SP140: variants seen among roughly 807,000 people sequenced by gnomAD.
SP140 encodes nuclear body protein SP140.
SP140 carries 81 observed loss-of-function variants against 125.0 expected under a neutral mutation model. That is an observed-to-expected ratio of 0.65 (90% CI 0.54 to 0.78). SP140 has a LOEUF of 0.78. Among genes scored for constraint, SP140 ranks in the 30% least tolerant of loss-of-function variants. The pLI, the probability that SP140 is intolerant of heterozygous loss-of-function variation, is 0.00. For synonymous variants in SP140, 312 were observed against 354.0 expected, an observed-to-expected ratio of 0.88 and a Z score of 1.33; for missense variants, 858 against 1,037.0, an observed-to-expected ratio of 0.83 and a Z score of 2.37.
At chr2:230,265,630 CT>C (rs1335594068) in intron 12 of SP140, among the ~76,000 whole-genome samples, 1 of 152,194 alleles carries the variant, frequency 6.6e-6, no homozygotes, top group African/African-American at 2.4e-5. Flanking sequence ...CTGCTTCCCC[CT>C]ACACCTGTAT....
At position 230,255,498 on chromosome 2, in the gene SP140, G is replaced by A. The variant is rs1295205058; in HGVS notation, c.1206G>A (p.Gln402=). Residue 402 remains glutamine, a synonymous_variant, in exon 12 of 27, where the codon CAG becomes CAA. Coordinates refer to ENST00000392045, the MANE Select transcript of SP140 (RefSeq NM_007237.5). ...AAATGTGTGATGGAGAAGAGCGCCAGGAAGCCTCTAGCTCCCTAGCAAGAC... is the reference window on the plus strand; with the variant it reads ...AAATGTGTGATGGAGAAGAGCGCCAAGAAGCCTCTAGCTCCCTAGCAAGAC... ...CSEMCDGEER[Q]EASSSLARRG... 2.5e-6 allele frequency: 4 copies of A among 1,613,324 alleles called. No individual in the cohort carries two copies. Among genetic ancestry groups the A allele is most frequent in the Non-Finnish European group, 3.4e-6 (4 of 1,179,884 alleles).
chr2:230,290,156 C>G (rs903656012), intron 18 of SP140, among the ~76,000 whole-genome samples: 1 of 152,158 alleles, frequency 6.6e-6, no homozygotes, highest in Non-Finnish European at 1.5e-5. Flanking sequence ...GTGACAGCAA[C>G]TGTGTTTCAT....
chr2:230,232,623 G>A (rs1198082945), intron 1 of SP140, among the ~76,000 whole-genome samples: 1 of 152,058 alleles, frequency 6.6e-6, no homozygotes, highest in Non-Finnish European at 1.5e-5. Context: ...TTTTATTATA[G>A]TATTATCTTA....
chr2:230,225,487 G>C (rs1447887116), upstream of SP140: 1 of 356,682 alleles, frequency 2.8e-6, no homozygotes, highest in Non-Finnish European at 5.4e-6. Flanking sequence ...CTCAGCAAGG[G>C]GTGGGGACAA....
At chr2:230,305,180 A>T (rs2058639583) in intron 22 of SP140, among the ~76,000 whole-genome samples, 1 of 152,352 alleles carries the variant, frequency 6.6e-6, no homozygotes, top group Non-Finnish European at 1.5e-5. Flanking sequence ...TTATCAGGGA[A>T]ATGCAAATCA....
At chr2:230,261,490 T>C (rs1036303631) in intron 12 of SP140, among the ~76,000 whole-genome samples, 2 of 152,180 alleles carry the variant, frequency 1.3e-5, no homozygotes, top group African/African-American at 4.8e-5. Flanking sequence ...CAGTACTATG[T>C]TGAAGAGGAG....
At chr2:230,201,684 A>G (rs377214382), upstream of SP140, among the ~76,000 whole-genome samples, 501 of 152,372 alleles carry the variant, frequency 3.3e-3, 3 homozygotes, top group African/African-American at 0.011. Context: ...TGTGTGATTG[A>G]GATACAAGCT....
chr2:230,275,669 A>G (rs2054612598), intron 15 of SP140, among the ~76,000 whole-genome samples: 1 of 152,218 alleles, frequency 6.6e-6, no homozygotes, highest in Admixed American at 6.5e-5. Context: ...AGTTAAAGGA[A>G]GCGTCACATG....
At chr2:230,244,747 G>C (rs191444509) in intron 5 of SP140, among the ~76,000 whole-genome samples, 5 of 152,084 alleles carry the variant, frequency 3.3e-5, no homozygotes, top group Non-Finnish European at 7.4e-5. Flanking sequence ...GGAGATGGAC[G>C]GTGCTTCATG....
At chr2:230,236,175 T>A (rs1465142653) in intron 1 of SP140, among the ~76,000 whole-genome samples, 2 of 152,142 alleles carry the variant, frequency 1.3e-5, no homozygotes, top group African/African-American at 4.8e-5. Flanking sequence ...GCGCCCGGCC[T>A]TCTTGTGTAT....
chr2:230,225,928 C>T (rs1296088392), intron 1 of SP140, 25 bp downstream of exon 1: 3 of 1,601,908 alleles, frequency 1.9e-6, no homozygotes, highest in Non-Finnish European at 2.6e-6. Flanking sequence ...CCTTTCCCGT[C>T]TGTCCTTCAT....
At chr2:230,207,592 A>G (rs2044010358) in intron 1 of SP140, among the ~76,000 whole-genome samples, 1 of 152,184 alleles carries the variant, frequency 6.6e-6, no homozygotes, top group Admixed American at 6.5e-5. Flanking sequence ...AATGGGCATT[A>G]CCACTTACTT....
intron 1 of SP140, among the ~76,000 whole-genome samples, chr2:230,230,110 G>A (rs1326995150): frequency 6.6e-6 from 1 of 152,088 alleles, no homozygotes; most frequent in Admixed American, 6.5e-5. Context: ...ATAATCGCAG[G>A]GCCAGCCAAG....
downstream of SP140, among the ~76,000 whole-genome samples, chr2:230,315,837 C>T (rs2059480348): frequency 6.6e-6 from 1 of 152,200 alleles, no homozygotes; most frequent in Non-Finnish European, 1.5e-5. Flanking sequence ...GTGGTTCATG[C>T]TGCTAAATGG....
rs1353414645 is a variant in SP140 at position 230,238,240 on chromosome 2, G to C, written c.265G>C (p.Val89Leu). The change falls in exon 3 of 27, where the codon GTC becomes CTC. Residue 89 changes from valine (V) to leucine (L), a missense_variant. This residue lies in a region of SP140 where 791 missense variants were observed against 869.5 expected (regional missense o/e 0.91). Coordinates refer to ENST00000392045, the MANE Select transcript of SP140 (RefSeq NM_007237.5). ...EHFQEAFRNL[V>L]PVTRVMYCVL... is the part of the protein sequence containing the mutation. ...TTTTCAAGAAGCTTTTAGAAACCTG[G>C]TCCCAGTGACAAGAGTGATGTATTG... 1.2e-6 allele frequency: 2 copies of C among 1,600,114 alleles called. No individual in the cohort carries two copies. The highest frequency in any genetic ancestry group is 1.7e-6 in the Non-Finnish European group (2 of 1,174,842).
At chr2:230,212,313 T>G (rs769648712) in intron 1 of SP140, 500 of 1,503,258 alleles carry the variant, frequency 3.3e-4, no homozygotes, top group Non-Finnish European at 4.2e-4. Context: ...ACAGTCACCT[T>G]GAGCTAAGCG....
intron 26 of SP140, among the ~76,000 whole-genome samples, chr2:230,312,023 A>G (rs868147811): frequency 3.3e-5 from 5 of 152,236 alleles, no homozygotes; most frequent in Non-Finnish European, 4.4e-5. Flanking sequence ...TAGAAGTGAC[A>G]GAGAAAGGAA....
chr2:230,309,495 T>G (rs1405584143), intron 22 of SP140, among the ~76,000 whole-genome samples: 1 of 152,232 alleles, frequency 6.6e-6, no homozygotes, highest in Non-Finnish European at 1.5e-5. Context: ...ATATGGGATG[T>G]GGTGATATCT....
intron 3 of SP140, among the ~76,000 whole-genome samples, chr2:230,219,356 G>A (rs975489451): frequency 6.6e-6 from 1 of 152,204 alleles, no homozygotes; most frequent in African/African-American, 2.4e-5. Flanking sequence ...AAGGTCAACA[G>A]GTCCAAATGT....
Sources: gnomAD v4.1 joint callset for allele counts (sites outside exome capture counted in the v4.1 genomes callset) on GRCh38, gnomAD v4.1.1 for gene constraint, gnomAD v4.1.1 regional missense constraint, MANE v1.5 for transcripts, NCBI Gene and HGNC (gene_info 2026-07-23, HGNC 2026-07-21) for gene names.